EPHA3: variants seen among roughly 807,000 people sequenced by gnomAD.
EPHA3 encodes ephrin type-A receptor 3.
A neutral mutation model predicts 107.1 loss-of-function variants in EPHA3; 42 were observed. The observed-to-expected ratio is 0.39, with a 90% CI of 0.31 to 0.51. EPHA3 has a LOEUF of 0.51. Among genes scored for constraint, EPHA3 ranks in the 20% least tolerant of loss-of-function variants. EPHA3 has a pLI of 0.78. For missense variants in EPHA3, 1,183 were observed against 1,211.2 expected (o/e 0.98, Z 0.35); for synonymous variants, 461 against 424.8 (o/e 1.09, Z -1.05).
At chr3:89,175,287 G>A (rs1483479055) in intron 2 of EPHA3, among the ~76,000 whole-genome samples, 2 of 151,800 alleles carry the variant, frequency 1.3e-5, no homozygotes, top group South Asian at 2.1e-4. Flanking sequence ...AATTTGCTCC[G>A]GGAAAATTTG....
At chr3:89,170,065 G>A (rs1191168671) in intron 2 of EPHA3, among the ~76,000 whole-genome samples, 6 of 152,044 alleles carry the variant, frequency 3.9e-5, no homozygotes, top group Non-Finnish European at 7.4e-5. Context: ...TGGCTAACAC[G>A]TTGAAATCCC....
chr3:89,453,600 C>T (rs189377899), intron 15 of EPHA3, among the ~76,000 whole-genome samples: 26 of 152,202 alleles, frequency 1.7e-4, no homozygotes, highest in African/African-American at 4.8e-4. Flanking sequence ...TTAAAATGCA[C>T]GATGGGTTAG....
At chr3:89,255,531 A>G (rs1463553021) in intron 3 of EPHA3, among the ~76,000 whole-genome samples, 5 of 152,258 alleles carry the variant, frequency 3.3e-5, no homozygotes, top group African/African-American at 1.2e-4. Flanking sequence ...GACAGGGGCC[A>G]TATGGCCTGT....
rs778518833 is a variant in EPHA3, at chr3:89,225,268, A to G, written c.814+14748A>G. On this transcript the variant is annotated intron_variant, in intron 3 of 16. Coordinates refer to ENST00000336596, the MANE Select transcript of EPHA3 (RefSeq NM_005233.6). ...ATGCCTTTATAATCCAGTGGATTCT[A>G]TGACTGGAAAAGTCAGTGAAAATAT... Among the ~76,000 whole-genome samples the G allele has an allele frequency of 1.4e-4, 21 of 152,188 alleles. No individual in the cohort carries two copies. In the East Asian group the frequency reaches 1.7e-3, roughly 13 times the overall value.
intron 3 of EPHA3, among the ~76,000 whole-genome samples, chr3:89,251,287 G>T (rs1705161191): frequency 1.3e-5 from 2 of 151,740 alleles, no homozygotes; most frequent in South Asian, 4.2e-4. Context: ...TAAATCTGTG[G>T]GAAATCACCT....
In EPHA3 at chr3:89,131,215, A is replaced by T. The variant is rs370753997; in HGVS notation, c.153+3942A>T. ...GGCATTATATTTGGTGACTTTAGCA[A>T]AGCAGACTGAAGCAGTTACCTTCTC... is the stretch of plus-strand genomic sequence containing the variant. On this transcript the variant is annotated intron_variant, in intron 2 of 16. Coordinates refer to ENST00000336596, the MANE Select transcript of EPHA3 (RefSeq NM_005233.6). Among the ~76,000 whole-genome samples the T allele has an allele frequency of 1.4e-3, 219 of 152,282 alleles. 2 individuals are homozygous for T. The highest frequency in any genetic ancestry group is 5.0e-3 in the African/African-American group (206 of 41,560).
Position 89,351,622 on chromosome 3 carries a change from C to T in EPHA3, c.1306+9532C>T, listed in dbSNP as rs535625966. Among the ~76,000 whole-genome samples the T allele has an allele frequency of 1.2e-4, 18 of 151,396 alleles. 2 individuals carry two copies. In the South Asian group the frequency reaches 2.1e-3, roughly 17 times the overall value. ...GCTGTAGACCGGAGCTGTTCCTATT[C>T]GGCCATCTTGGCTCCTCCTGAGTCT... On this transcript the variant is annotated intron_variant, in intron 5 of 16. Coordinates refer to ENST00000336596, the MANE Select transcript of EPHA3 (RefSeq NM_005233.6).
intron 13 of EPHA3, among the ~76,000 whole-genome samples, chr3:89,439,552 C>T (rs544457603): frequency 1.3e-5 from 2 of 152,154 alleles, no homozygotes; most frequent in South Asian, 2.1e-4. Context: ...TTTACCATCG[C>T]TTCTTCAAAA....
intron 13 of EPHA3, 59 bp downstream of exon 13, chr3:89,431,418 T>C (rs1709567306): frequency 6.9e-7 from 1 of 1,455,918 alleles, no homozygotes; most frequent in Admixed American, 2.0e-5. Context: ...ATCATGTTGA[T>C]TTGTAAATAA....
intron 2 of EPHA3, among the ~76,000 whole-genome samples, chr3:89,140,447 C>T (rs1160373332): frequency 2.6e-5 from 4 of 151,670 alleles, no homozygotes; most frequent in Non-Finnish European, 5.9e-5. Context: ...AAAATAATCA[C>T]TAAATACATG....
intron 2 of EPHA3, among the ~76,000 whole-genome samples, chr3:89,155,578 G>A (rs770352301): frequency 4.6e-5 from 7 of 151,984 alleles, no homozygotes; most frequent in Non-Finnish European, 1.0e-4. Context: ...CTTTTTGATT[G>A]TTCATGGAAT....
At chr3:89,351,384 G>A (rs1166827949) in intron 5 of EPHA3, among the ~76,000 whole-genome samples, 3 of 150,786 alleles carry the variant, frequency 2.0e-5, no homozygotes, top group African/African-American at 7.3e-5. Context: ...GATTTTCCAG[G>A]TGCGTCCGTC....
intron 2 of EPHA3, among the ~76,000 whole-genome samples, chr3:89,156,377 CATT>C (rs974329204): frequency 6.6e-6 from 1 of 152,038 alleles, no homozygotes; most frequent in Non-Finnish European, 1.5e-5. Flanking sequence ...CTTGAAAACA[CATT>C]ATAAAATGAG....
In EPHA3 at chr3:89,210,534, C is replaced by G. The variant is rs150503270; in HGVS notation, c.814+14C>G. On this transcript the variant is annotated intron_variant, in intron 3 of 16. Coordinates refer to ENST00000336596, the MANE Select transcript of EPHA3 (RefSeq NM_005233.6). ...TTATGTGCCAAGGTAAGAGCCTTCTCTATTTTTCTTTGAGCAATATTTCTC... is the reference window on the plus strand; with the variant it reads ...TTATGTGCCAAGGTAAGAGCCTTCTGTATTTTTCTTTGAGCAATATTTCTC... 2.7e-5 allele frequency: 41 copies of G among 1,517,932 alleles called. No individual in the cohort carries two copies. In the East Asian group the frequency reaches 8.9e-4, roughly 33 times the overall value. The allele number at this position is 1,517,932 out of a possible 1,614,324, so 94.0% of individuals were successfully genotyped here. A position where few individuals can be genotyped will look rare whatever the true frequency, so the allele number is the denominator to read the frequency against.
intron 15 of EPHA3, among the ~76,000 whole-genome samples, chr3:89,450,753 A>T (rs1709968891): frequency 6.6e-6 from 1 of 151,988 alleles, no homozygotes; most frequent in Non-Finnish European, 1.5e-5. Flanking sequence ...CTAAAAATAC[A>T]AAAATTAGCC....
intron 3 of EPHA3, among the ~76,000 whole-genome samples, chr3:89,241,881 A>C (rs1704904143): frequency 6.6e-6 from 1 of 152,200 alleles, no homozygotes; most frequent in Non-Finnish European, 1.5e-5. Context: ...TGATAGTTTA[A>C]CTTTATCCCC....
intron 2 of EPHA3, among the ~76,000 whole-genome samples, chr3:89,197,660 A>G (rs966739724): frequency 2.0e-5 from 3 of 152,302 alleles, no homozygotes; most frequent in Non-Finnish European, 2.9e-5. Context: ...TTATCTTAGA[A>G]AAAAGATAGC....
At chr3:89,405,950 C>T (rs1709048225) in intron 7 of EPHA3, among the ~76,000 whole-genome samples, 1 of 151,992 alleles carries the variant, frequency 6.6e-6, no homozygotes, top group African/African-American at 2.4e-5. Context: ...GCATCTTATC[C>T]TGAAAGTTAT....
intron 5 of EPHA3, among the ~76,000 whole-genome samples, chr3:89,380,876 C>T (rs568307267): frequency 1.9e-4 from 29 of 151,736 alleles, no homozygotes; most frequent in Admixed American, 7.2e-4. Flanking sequence ...TCAAGCAATT[C>T]GCCTGCCTCA....
Sources: gnomAD v4.1 joint callset for allele counts (sites outside exome capture counted in the v4.1 genomes callset) on GRCh38, gnomAD v4.1.1 for gene constraint, MANE v1.5 for transcripts, NCBI Gene and HGNC (gene_info 2026-07-23, HGNC 2026-07-21) for gene names.